The following CPSF3 variants were observed in gnomAD, a reference collection of about 807,000 sequenced individuals.
The protein encoded by CPSF3 is cleavage and polyadenylation specificity factor subunit 3.
CPSF3 carries 57 observed loss-of-function variants against 84.1 expected under a neutral mutation model. The observed-to-expected ratio is 0.68, with a 90% CI of 0.55 to 0.85. The LOEUF is 0.85. Ranked by LOEUF, CPSF3 falls within the 40% of genes least tolerant of loss-of-function variation. The pLI is 0.00. For synonymous variants in CPSF3, 275 were observed against 278.1 expected, an observed-to-expected ratio of 0.99 and a Z score of 0.11; for missense variants, 522 against 838.8, an observed-to-expected ratio of 0.62 and a Z score of 4.66.
intron 12 of CPSF3, among the ~76,000 whole-genome samples, chr2:9,454,433 A>G (rs943693902): frequency 6.6e-6 from 1 of 151,874 alleles, no homozygotes. Flanking sequence ...AAATAGCAGC[A>G]GTGGTGAGGT....
At chr2:9,424,095 C>T (rs536940641) in intron 1 of CPSF3, 18 of 1,215,020 alleles carry the variant, frequency 1.5e-5, no homozygotes, top group Non-Finnish European at 1.9e-5. Flanking sequence ...GGGGCCACCG[C>T]TCGCTTTCGT....
chr2:9,456,022 A>T (rs1681514150), intron 13 of CPSF3, among the ~76,000 whole-genome samples: 1 of 152,108 alleles, frequency 6.6e-6, no homozygotes, highest in Admixed American at 6.5e-5. Context: ...ATTCCATAAT[A>T]CTTATCTTTG....
chr2:9,471,145 C>T (rs746037158), intron 16 of CPSF3, among the ~76,000 whole-genome samples, 198 bp from the exon 17 acceptor site: 4 of 151,744 alleles, frequency 2.6e-5, no homozygotes, highest in African/African-American at 4.9e-5. Context: ...ATCCGGGAGG[C>T]GGAGGTTGTA....
Position 9,467,766 on chromosome 2 carries a change from A to T in CPSF3, c.1846A>T (p.Ile616Phe), listed in dbSNP as rs1382818052. Residue 616 changes from isoleucine (I) to phenylalanine (F), a missense_variant, in exon 16 of 18, where the codon ATC becomes TTC. By Grantham distance (21) the Ile-to-Phe change is conservative. Coordinates refer to ENST00000238112, the MANE Select transcript of CPSF3 (RefSeq NM_016207.4). ...EMHVYSKRLE[I>F]MLQDIFGEDC... Reference sequence around the variant, plus strand: ...GCACGTTTACAGCAAGAGGTTGGAGATCATGCTCCAGTAAGTTTTTCACCC... The same window carrying T: ...GCACGTTTACAGCAAGAGGTTGGAGTTCATGCTCCAGTAAGTTTTTCACCC... 5.6e-6 allele frequency: 9 copies of T among 1,610,912 alleles called. No individual in the cohort carries two copies. Among genetic ancestry groups the T allele is most frequent in the Non-Finnish European group, 5.9e-6 (7 of 1,177,902 alleles).
chr2:9,464,656 A>G (rs1039129991), intron 15 of CPSF3, among the ~76,000 whole-genome samples: 1 of 152,034 alleles, frequency 6.6e-6, no homozygotes, highest in African/African-American at 2.4e-5. Flanking sequence ...CAGTGGTGCA[A>G]TCTCAGCTCA....
chr2:9,423,890 TGG>T, intron 1 of CPSF3, 67 bp downstream of exon 1: 19 of 1,583,946 alleles, frequency 1.2e-5, no homozygotes, highest in Non-Finnish European at 1.6e-5. Flanking sequence ...AACCGGAGAC[TGG>T]CCTCCTCCGT....
chr2:9,429,734 TA>T (rs1303524086), intron 2 of CPSF3, among the ~76,000 whole-genome samples, 188 bp from the exon 3 acceptor site: 1 of 152,232 alleles, frequency 6.6e-6, no homozygotes, highest in Admixed American at 6.5e-5. Flanking sequence ...AGCTATATTT[TA>T]AATTTGTTGG....
chr2:9,431,529 A>ATTTTTTTT (rs759124668), intron 4 of CPSF3, among the ~76,000 whole-genome samples: 1 of 131,684 alleles, frequency 7.6e-6, no homozygotes, highest in Non-Finnish European at 1.6e-5. Flanking sequence ...AAATATACAT[A>ATTTTTTTT]TTTTTTTTTT....
intron 7 of CPSF3, among the ~76,000 whole-genome samples, chr2:9,436,774 A>AAAAAAAAAAAAAATAATAAT (rs139337028): frequency 7.0e-6 from 1 of 143,002 alleles, no homozygotes; most frequent in African/African-American, 2.6e-5. Context: ...CCATCTCAAA[A>AAAAAAAAAAAAAATAATAAT]AATAATAATA....
At chr2:9,449,239 A>C (rs1418560613) in intron 11 of CPSF3, among the ~76,000 whole-genome samples, 1 of 151,964 alleles carries the variant, frequency 6.6e-6, no homozygotes. Flanking sequence ...AAAATAAAAA[A>C]ATTAGCTGGG....
chr2:9,424,755 G>T (rs1317500087), intron 1 of CPSF3: 1 of 152,196 alleles, frequency 6.6e-6, no homozygotes, highest in Non-Finnish European at 1.5e-5. Context: ...GCAACAGAGG[G>T]CCCAGTTAAT....
chr2:9,446,600 A>AG (rs36096741), intron 10 of CPSF3, among the ~76,000 whole-genome samples: 11 of 148,606 alleles, frequency 7.4e-5, no homozygotes, highest in African/African-American at 2.5e-4. Context: ...AAAAAAAAAA[A>AG]GTATAAAAAT....
chr2:9,435,306 T>TCAAA (rs1680735045), intron 6 of CPSF3, among the ~76,000 whole-genome samples: 6 of 152,232 alleles, frequency 3.9e-5, no homozygotes, highest in Admixed American at 3.9e-4. Context: ...TTATCAGAGG[T>TCAAA]GGGAGAAATA....
At chr2:9,435,250 C>A (rs1680733161) in intron 6 of CPSF3, among the ~76,000 whole-genome samples, 1 of 152,084 alleles carries the variant, frequency 6.6e-6, no homozygotes, top group African/African-American at 2.4e-5. Context: ...TATTCTTAAA[C>A]AGAAGTATAA....
At chr2:9,431,102 G>C (rs1680569399) in intron 4 of CPSF3, among the ~76,000 whole-genome samples, 1 of 152,190 alleles carries the variant, frequency 6.6e-6, no homozygotes, top group African/African-American at 2.4e-5. Flanking sequence ...TGTCATCCAG[G>C]CTGGAGTGCA....
At chr2:9,460,378 G>A (rs992061902) in intron 15 of CPSF3, among the ~76,000 whole-genome samples, 3 of 152,002 alleles carry the variant, frequency 2.0e-5, no homozygotes, top group African/African-American at 7.2e-5. Context: ...GCAGTGAGCC[G>A]AGATCACGCC....
intron 15 of CPSF3, among the ~76,000 whole-genome samples, chr2:9,465,871 G>T (rs1681889351): frequency 6.6e-6 from 1 of 151,218 alleles, no homozygotes; most frequent in African/African-American, 2.4e-5. Flanking sequence ...ATATATATGG[G>T]GTGTGTGTGT....
At chr2:9,439,310 A>G (rs910587565) in intron 7 of CPSF3, among the ~76,000 whole-genome samples, 3 of 152,128 alleles carry the variant, frequency 2.0e-5, no homozygotes, top group African/African-American at 7.2e-5. Context: ...CGTCTGTACT[A>G]AAAATACAAA....
intron 8 of CPSF3, 89 bp downstream of exon 8, chr2:9,440,755 A>G (rs1680940105): frequency 1.5e-6 from 2 of 1,329,334 alleles, no homozygotes; most frequent in Non-Finnish European, 2.1e-6. Context: ...GATGGCTCAC[A>G]GCTGTAATTT....
Sources: gnomAD v4.1 joint callset for allele counts (sites outside exome capture counted in the v4.1 genomes callset) on GRCh38, gnomAD v4.1.1 for gene constraint, MANE v1.5 for transcripts, NCBI Gene and HGNC (gene_info 2026-07-23, HGNC 2026-07-21) for gene names.